CYP2B6: variants seen among roughly 807,000 people sequenced by gnomAD.
The protein encoded by CYP2B6 is cytochrome P450 2B6.
Under a neutral mutation model 43.4 loss-of-function variants are expected in CYP2B6, and 35 were observed. The ratio of observed to expected loss-of-function variants is 0.81; its 90% confidence interval spans 0.62 to 1.07. The LOEUF (loss-of-function observed/expected upper bound fraction) is 1.07, where lower values mean the gene tolerates loss of function less well. Among genes scored for constraint, CYP2B6 ranks in the 50% least tolerant of loss-of-function variants. CYP2B6 has a pLI of 0.00. For missense variants in CYP2B6, 624 were observed against 632.8 expected (o/e 0.99, Z 0.15); for synonymous variants, 239 against 239.2 (o/e 1.00, Z 0.01).
At chr19:41,014,213 C>T (rs1969326561) in intron 8 of CYP2B6, among the ~76,000 whole-genome samples, 1 of 152,152 alleles carries the variant, frequency 6.6e-6, no homozygotes, top group African/African-American at 2.4e-5. Context: ...ACAGTGACCT[C>T]CTTCCACATT....
At chr19:41,015,802 A>AC (rs3837929) in intron 8 of CYP2B6, among the ~76,000 whole-genome samples, 30,332 of 136,478 alleles carry the variant, frequency 0.22, 4,408 homozygotes, top group East Asian at 0.38. Context: ...CCCCACACAT[A>AC]CCCCAGAAAC....
intron 4 of CYP2B6, chr19:41,007,320 G>A: frequency 1.9e-6 from 1 of 525,570 alleles, no homozygotes. Context: ...GAAGGAAGAT[G>A]AGCAAAAACA....
chr19:40,999,701 G>C (rs1294875784), intron 1 of CYP2B6, among the ~76,000 whole-genome samples: 1 of 152,008 alleles, frequency 6.6e-6, no homozygotes, highest in Non-Finnish European at 1.5e-5. Flanking sequence ...CATTTTAATT[G>C]TTTTAGAGAC....
chr19:40,996,757 T>C (rs1281092985), intron 1 of CYP2B6, among the ~76,000 whole-genome samples: 1 of 152,186 alleles, frequency 6.6e-6, no homozygotes, highest in African/African-American at 2.4e-5. Context: ...ATCTAGGGTC[T>C]CCATGAGTGC....
Position 41,016,911 on chromosome 19 carries a change from C to A in CYP2B6, c.*84C>A. On this transcript the variant is annotated 3_prime_UTR_variant, in exon 9 of 9. Transcript: ENST00000324071. ...AGACAATGGCTCTGACTCCCCGCAA[C>A]TTCCTGCCTCTGAGAGACCTGCTAC... The A allele has an allele frequency of 2.8e-6, 4 of 1,435,844 alleles. No individual in the cohort carries two copies. The highest frequency in any genetic ancestry group is 1.3e-5 in the South Asian group (1 of 78,106). The allele number at this position is 1,435,844 out of a possible 1,614,324, so 88.9% of individuals were successfully genotyped here.
chr19:41,002,375 T>C (rs1969105438), intron 1 of CYP2B6, among the ~76,000 whole-genome samples: 1 of 152,060 alleles, frequency 6.6e-6, no homozygotes, highest in African/African-American at 2.4e-5. Context: ...AACATCACTG[T>C]AAAAAGCGCA....
At chr19:41,014,883 G>A (rs1175117165) in intron 8 of CYP2B6, among the ~76,000 whole-genome samples, 2 of 151,522 alleles carry the variant, frequency 1.3e-5, no homozygotes, top group African/African-American at 2.4e-5. Flanking sequence ...AGGGGAGAAA[G>A]GAGGGAAAGG....
At chr19:40,998,227 T>A (rs2144661138) in intron 1 of CYP2B6, among the ~76,000 whole-genome samples, 2 of 152,208 alleles carry the variant, frequency 1.3e-5, no homozygotes, top group South Asian at 4.1e-4. Flanking sequence ...TTTCCCAAGC[T>A]CTGCAGACGC....
At chr19:40,999,842 C>T (rs1161134864) in intron 1 of CYP2B6, among the ~76,000 whole-genome samples, 1 of 152,002 alleles carries the variant, frequency 6.6e-6, no homozygotes, top group African/African-American at 2.4e-5. Flanking sequence ...GTGTGAGCCA[C>T]CATGCCCCAC....
intron 4 of CYP2B6, among the ~76,000 whole-genome samples, chr19:41,007,924 A>G (rs537802363): frequency 6.6e-6 from 1 of 151,864 alleles, no homozygotes; most frequent in Non-Finnish European, 1.5e-5. Context: ...CCATGCCCAG[A>G]CTGCTTCTGG....
rs752695347 is a variant in CYP2B6, at chr19:41,004,320, C to T, written c.358C>T (p.Arg120Cys). 55 of 1,613,810 alleles carry T rather than the reference C, an allele frequency of 3.4e-5. No individual in the cohort carries two copies. The highest frequency in any genetic ancestry group is 2.0e-4 in the East Asian group (9 of 44,886). ...AGGTGTGATCTTTGCCAATGGAAAC[C>T]GCTGGAAGGTGCTTCGGCGATTCTC... The part of the protein sequence containing the change: ...GYGVIFANGN[R>C]WKVLRRFSVT... The change falls in exon 3 of 9, where the codon CGC becomes TGC. Residue 120 changes from arginine to cysteine, a missense_variant. By Grantham distance (180) the Arg-to-Cys change is radical. Transcript: ENST00000324071.
rs545173256 is a variant in CYP2B6, at chr19:41,015,795, C to G, written c.1295-851C>G. On this transcript the variant is annotated intron_variant, in intron 8 of 8. Coordinates refer to ENST00000324071, the MANE Select transcript of CYP2B6 (RefSeq NM_000767.5). ...GACACATGGCCAGAAACACATACCC[C>G]ACACATACCCCAGAAACAAACACAA... Among the ~76,000 whole-genome samples the G allele has an allele frequency of 1.5e-5, 2 of 137,204 alleles. 1 individual carries two copies. Among genetic ancestry groups the G allele is most frequent in the East Asian group, 4.9e-4 (2 of 4,046 alleles). The allele number at this position is 137,204 out of a possible 152,430, so 90.0% of individuals were successfully genotyped here.
chr19:41,009,968 C>G (rs368720470), intron 5 of CYP2B6, 26 bp from the exon 6 acceptor site: 17 of 1,613,782 alleles, frequency 1.1e-5, no homozygotes, highest in Non-Finnish European at 1.4e-5. Flanking sequence ...CCTGACCCTC[C>G]CCTTCCTTCC....
intron 1 of CYP2B6, among the ~76,000 whole-genome samples, chr19:40,992,809 C>A (rs573284726): frequency 6.6e-6 from 1 of 152,004 alleles, no homozygotes; most frequent in South Asian, 2.1e-4. Context: ...TGTGAGCCAC[C>A]GCACCCGGCC....
In CYP2B6 at chr19:41,017,651, G is replaced by A. The variant is rs1969390955; in HGVS notation, c.*824G>A. On this transcript the variant is annotated 3_prime_UTR_variant, in exon 9 of 9. Coordinates refer to ENST00000324071, the MANE Select transcript of CYP2B6 (RefSeq NM_000767.5). ...CGCCTGGCTAAATTTTGTATTTTTAGGTGGTCTTGAACTCCTGATGTCAGG... is the reference window on the plus strand; with the variant it reads ...CGCCTGGCTAAATTTTGTATTTTTAAGTGGTCTTGAACTCCTGATGTCAGG... 6.6e-6 allele frequency: 1 copy of A among 151,888 alleles called. No individual in the cohort carries two copies. 9.4% of individuals were successfully genotyped at this position (151,888 alleles called of 1,614,324 possible).
chr19:40,998,883 A>G (rs1279170974), intron 1 of CYP2B6, among the ~76,000 whole-genome samples: 1 of 104,612 alleles, frequency 9.6e-6, no homozygotes, highest in East Asian at 2.7e-4. Context: ...CGCAATAAAC[A>G]TACATGTGCA....
chr19:41,011,466 A>G (rs533373872), intron 6 of CYP2B6, among the ~76,000 whole-genome samples: 35 of 152,360 alleles, frequency 2.3e-4, no homozygotes, highest in African/African-American at 8.4e-4. Flanking sequence ...GTAAATACAG[A>G]CATCCATTTA....
At chr19:41,011,515 A>C (rs1436533866) in intron 6 of CYP2B6, among the ~76,000 whole-genome samples, 2 of 152,208 alleles carry the variant, frequency 1.3e-5, no homozygotes, top group African/African-American at 4.8e-5. Context: ...TCCATCCATG[A>C]ATTGATCTAT....
Position 41,009,937 on chromosome 19 carries a change from C to T in CYP2B6, c.823-57C>T. ...GGGCAGCCAGGGAGATGGGCGTATA[C>T]ACAGCAAGGCTACAGCCTCCCCTGA... On this transcript the variant is annotated intron_variant, in intron 5 of 8. Coordinates refer to ENST00000324071, the MANE Select transcript of CYP2B6 (RefSeq NM_000767.5). The T allele has an allele frequency of 1.9e-6, 3 of 1,610,554 alleles. No individual in the cohort carries two copies. In the South Asian group the frequency reaches 3.3e-5, roughly 18 times the overall value.
Sources: allele counts gnomAD v4.1 joint callset (sites outside exome capture counted in the v4.1 genomes callset), GRCh38; gene constraint gnomAD v4.1.1; transcripts MANE v1.5; gene names NCBI Gene and HGNC (gene_info 2026-07-23, HGNC 2026-07-21).